Variants in PIK3R1 observed in about 807,000 individuals in gnomAD.
PIK3R1 encodes phosphoinositide-3-kinase regulatory subunit 1.
A neutral mutation model predicts 98.0 loss-of-function variants in PIK3R1; 29 were observed. The observed-to-expected ratio is 0.30, with a 90% CI of 0.22 to 0.40. PIK3R1 has a LOEUF of 0.40. Among genes scored for constraint, PIK3R1 ranks in the 10% least tolerant of loss-of-function variants. PIK3R1 has a pLI of 1.00. For synonymous variants in PIK3R1, 282 were observed against 311.8 expected (o/e 0.90, Z 1.01); for missense variants, 596 against 872.7 (o/e 0.68, Z 3.99).
At chr5:68,288,529 A>AGCGGAGCCG in intron 7 of PIK3R1, 1 of 1,261,716 alleles carries the variant, frequency 7.9e-7, no homozygotes, top group Non-Finnish European at 1.0e-6. Flanking sequence ...GAGCCGAGCC[A>AGCGGAGCCG]AGCGGAGCTG....
chr5:68,237,939 G>A (rs1057247310), intron 2 of PIK3R1, among the ~76,000 whole-genome samples: 6 of 152,210 alleles, frequency 3.9e-5, no homozygotes, highest in South Asian at 2.1e-4. Flanking sequence ...TGTCCTCTCC[G>A]ACAGAGCCTT....
chr5:68,288,226 T>C (rs1449239411), intron 7 of PIK3R1: 1 of 195,394 alleles, frequency 5.1e-6, no homozygotes, highest in African/African-American at 2.3e-5. Flanking sequence ...GGCCTTCTCA[T>C]TTCCCAGGCG....
intron 7 of PIK3R1, chr5:68,291,667 A>G (rs1747402439): frequency 6.6e-6 from 1 of 152,492 alleles, no homozygotes; most frequent in Admixed American, 6.5e-5. Flanking sequence ...TTAACATATT[A>G]AAGAGATTTA....
chr5:68,261,428 G>GCACA (rs983474667), intron 2 of PIK3R1, among the ~76,000 whole-genome samples: 104 of 151,918 alleles, frequency 6.8e-4, no homozygotes, highest in Admixed American at 4.2e-3. Context: ...TTCTACTAGT[G>GCACA]CACAGTGCCT....
chr5:68,282,350 G>T, intron 7 of PIK3R1, among the ~76,000 whole-genome samples: 1 of 152,120 alleles, frequency 6.6e-6, no homozygotes, highest in Admixed American at 6.5e-5. Context: ...TGTGGCACAT[G>T]GCACTTAAGT....
At chr5:68,232,131 T>C (rs910281228) in intron 2 of PIK3R1, among the ~76,000 whole-genome samples, 1 of 152,224 alleles carries the variant, frequency 6.6e-6, no homozygotes, top group Admixed American at 6.5e-5. Flanking sequence ...GTGCTAATTA[T>C]TTTGAATAAA....
chr5:68,263,250 T>C (rs893129109), intron 2 of PIK3R1, among the ~76,000 whole-genome samples: 6 of 147,232 alleles, frequency 4.1e-5, no homozygotes, highest in African/African-American at 1.5e-4. Context: ...GAAATATATA[T>C]ATATTCTACA....
intron 4 of PIK3R1, 76 bp from the exon 5 acceptor site, chr5:68,279,526 A>C: frequency 8.3e-7 from 1 of 1,209,980 alleles, no homozygotes; most frequent in Middle Eastern, 2.0e-4. Flanking sequence ...ATGTGAGTCA[A>C]ATTGTTCAGA....
At chr5:68,254,280 G>T (rs1346783816) in intron 2 of PIK3R1, among the ~76,000 whole-genome samples, 1 of 152,158 alleles carries the variant, frequency 6.6e-6, no homozygotes, top group African/African-American at 2.4e-5. Context: ...GTTTTGTATG[G>T]TCAAGCCCCT....
intron 2 of PIK3R1, among the ~76,000 whole-genome samples, chr5:68,238,200 A>G (rs1347644654): frequency 1.3e-5 from 2 of 152,228 alleles, no homozygotes; most frequent in Admixed American, 1.3e-4. Flanking sequence ...CCATGTTGAA[A>G]TGAAAACCAC....
At chr5:68,268,372 G>A (rs1243292889) in intron 2 of PIK3R1, among the ~76,000 whole-genome samples, 4 of 152,056 alleles carry the variant, frequency 2.6e-5, no homozygotes, top group East Asian at 3.8e-4. Context: ...AGTGTCACCC[G>A]TAAAGCTTAA....
At chr5:68,284,206 T>C (rs2112208908) in intron 7 of PIK3R1, among the ~76,000 whole-genome samples, 1 of 152,370 alleles carries the variant, frequency 6.6e-6, no homozygotes, top group South Asian at 2.1e-4. Flanking sequence ...ACTCTAGCTT[T>C]TGAGGCCTTA....
chr5:68,273,818 A>G, intron 3 of PIK3R1, 121 bp from the exon 4 acceptor site: 1 of 786,778 alleles, frequency 1.3e-6, no homozygotes, highest in Non-Finnish European at 2.1e-6. Flanking sequence ...TTCCAAGAAT[A>G]TTTGGTACAC....
intron 4 of PIK3R1, among the ~76,000 whole-genome samples, chr5:68,276,979 AT>A (rs1226702975): frequency 1.3e-5 from 2 of 152,174 alleles, no homozygotes; most frequent in African/African-American, 4.8e-5. Context: ...CACTATGATT[AT>A]ACTCCTTGGG....
intron 2 of PIK3R1, among the ~76,000 whole-genome samples, chr5:68,257,345 A>G (rs1403176619): frequency 1.3e-5 from 2 of 152,202 alleles, no homozygotes; most frequent in East Asian, 3.9e-4. Context: ...AAGGGCTGGT[A>G]ATTACAGTTT....
intron 2 of PIK3R1, among the ~76,000 whole-genome samples, chr5:68,270,146 G>C (rs1184742142): frequency 6.6e-6 from 1 of 152,032 alleles, no homozygotes; most frequent in African/African-American, 2.4e-5. Flanking sequence ...GTAGCACAGT[G>C]CTTTTCAGAA....
At chr5:68,272,548 AT>A (rs1746407229) in intron 2 of PIK3R1, among the ~76,000 whole-genome samples, 1 of 152,004 alleles carries the variant, frequency 6.6e-6, no homozygotes, top group Non-Finnish European at 1.5e-5. Flanking sequence ...CAATGGTCTT[AT>A]TTATTTTTTT....
chr5:68,249,775 G>T (rs1412547816), intron 2 of PIK3R1, among the ~76,000 whole-genome samples: 1 of 152,084 alleles, frequency 6.6e-6, no homozygotes, highest in East Asian at 1.9e-4. Context: ...GGTGGGGTGG[G>T]GGGCGTTAAC....
At chr5:68,262,464 CTATA>C (rs1249300629) in intron 2 of PIK3R1, among the ~76,000 whole-genome samples, 8 of 141,538 alleles carry the variant, frequency 5.7e-5, no homozygotes, top group South Asian at 2.2e-4. Context: ...ATATATATAT[CTATA>C]TATGTACATA....
Sources: allele counts gnomAD v4.1 joint callset (sites outside exome capture counted in the v4.1 genomes callset), GRCh38; gene constraint gnomAD v4.1.1; transcripts MANE v1.5; gene names NCBI Gene and HGNC (gene_info 2026-07-23, HGNC 2026-07-21).